Variants in VIPR2 observed in about 807,000 individuals in gnomAD.
VIPR2 encodes the protein vasoactive intestinal peptide receptor 2.
Under a neutral mutation model 58.0 loss-of-function variants are expected in VIPR2, and 48 were observed. The observed-to-expected ratio is 0.83, with a 90% confidence interval of 0.66 to 1.05. The LOEUF (loss-of-function observed/expected upper bound fraction) is 1.05, where lower values mean the gene tolerates loss of function less well. VIPR2 is among the 50% of genes least tolerant of loss of function. The pLI is 0.00. For synonymous variants in VIPR2, 243 were observed against 235.2 expected, an observed-to-expected ratio of 1.03 and a Z score of -0.30; for missense variants, 534 against 558.0, an observed-to-expected ratio of 0.96 and a Z score of 0.43.
rs1563318602 is a variant in VIPR2 at position 159,093,204 on chromosome 7, A to G, written c.357+10553T>C. ...TGGAGGAAGGTGAGAGGTAAACGTC[A>G]TTATATTTTTAAAAACACTGTAGAC... is the stretch of plus-strand genomic sequence containing the variant. On this transcript the variant is annotated intron_variant, in intron 4 of 12. Coordinates refer to ENST00000262178, the MANE Select transcript of VIPR2 (RefSeq NM_003382.5). The surrounding 1 kb of genome is among the most constrained non-coding windows in gnomAD (Gnocchi z 6.7). 6.6e-6 allele frequency among the ~76,000 whole-genome samples: 1 copy of G among 152,220 alleles called. No individual in the cohort carries two copies. The highest frequency in any genetic ancestry group is 2.4e-5 in the African/African-American group (1 of 41,460).
rs1853483334 is a variant in VIPR2, at chr7:159,030,598, C to T, written c.*18G>A. 2 of 1,514,422 alleles carry T rather than the reference C, an allele frequency of 1.3e-6. No homozygotes were observed. The highest frequency in any genetic ancestry group is 2.4e-4 in the Middle Eastern group (1 of 4,216). 93.8% of individuals were successfully genotyped at this position (1,514,422 alleles called of 1,614,324 possible). On this transcript the variant is annotated 3_prime_UTR_variant, in exon 13 of 13. Transcript: ENST00000262178. ...CGAACCGTGGGCCTCCCGCCGCGTC[C>T]GACAGGCAGGGGTGGGGCTAGATGA...
chr7:159,114,711 TAGG>T, intron 2 of VIPR2, among the ~76,000 whole-genome samples: 1 of 150,544 alleles, frequency 6.6e-6, no homozygotes, highest in Non-Finnish European at 1.5e-5. Flanking sequence ...GAGGCTGAGG[TAGG>T]AGGATTGCTT....
chr7:159,044,974 T>C (rs1854559549), intron 5 of VIPR2, among the ~76,000 whole-genome samples: 1 of 152,148 alleles, frequency 6.6e-6, no homozygotes, highest in African/African-American at 2.4e-5. Context: ...TTTCGCAACG[T>C]TGGCTAGGCT....
chr7:159,077,116 TG>T (rs1856675197), intron 4 of VIPR2, among the ~76,000 whole-genome samples: 1 of 152,256 alleles, frequency 6.6e-6, no homozygotes, highest in African/African-American at 2.4e-5. Context: ...GTTACATAAA[TG>T]ATCAGTCCAA....
chr7:159,084,954 TGG>T (rs1396354014), intron 4 of VIPR2, among the ~76,000 whole-genome samples: 1 of 152,220 alleles, frequency 6.6e-6, no homozygotes, highest in Admixed American at 6.5e-5. Context: ...TCATGGCCCA[TGG>T]AAGCTTCTTC....
chr7:159,062,442 G>A (rs1230611971), intron 4 of VIPR2, among the ~76,000 whole-genome samples: 2 of 152,172 alleles, frequency 1.3e-5, no homozygotes, highest in Non-Finnish European at 2.9e-5. Flanking sequence ...TGTTCCTTCT[G>A]CTGGATTCGC....
chr7:159,053,541 GTTTT>G (rs148137121), intron 5 of VIPR2, among the ~76,000 whole-genome samples: 11 of 151,670 alleles, frequency 7.3e-5, no homozygotes. Flanking sequence ...TAGAATTTTT[GTTTT>G]TTTTGTTTTT....
rs1188950666 is a variant in VIPR2 at position 159,054,479 on chromosome 7, T to C, written c.455+4002A>G. On this transcript the variant is annotated intron_variant, in intron 5 of 12. Transcript: ENST00000262178. ...GAAGACTCCTAAACATTGACTTAAA[T>C]AGAGGGAGAGACCAAACAGAAAAAT... 2.6e-5 allele frequency among the ~76,000 whole-genome samples: 4 copies of C among 152,106 alleles called. 1 individual carries two copies. The highest frequency in any genetic ancestry group is 2.6e-4 in the Admixed American group (4 of 15,280).
chr7:159,121,469 C>T (rs367828007), intron 2 of VIPR2, among the ~76,000 whole-genome samples: 46 of 152,098 alleles, frequency 3.0e-4, no homozygotes, highest in Non-Finnish European at 5.6e-4. Flanking sequence ...AATCTGAGAC[C>T]CCAGGAGTTC....
intron 4 of VIPR2, among the ~76,000 whole-genome samples, chr7:159,092,846 G>A (rs1857583258): frequency 1.3e-5 from 2 of 152,036 alleles, no homozygotes; most frequent in Admixed American, 1.3e-4. Context: ...GTGTCTCAGA[G>A]TTCTGGGCCT....
In VIPR2 at chr7:159,077,720, G is replaced by C. The variant is rs542243937; in HGVS notation, c.358-19142C>G. Among the ~76,000 whole-genome samples the C allele has an allele frequency of 4.6e-5, 7 of 151,154 alleles. No homozygotes were observed. The East Asian group carries it at 1.4e-3, about 29-fold the overall frequency. ...ATAGTATGCCTGTTATCAGATTCTA[G>C]CCCTGTTCAATGTCTTTGAGGTACT... On this transcript the variant is annotated intron_variant, in intron 4 of 12. Coordinates refer to ENST00000262178, the MANE Select transcript of VIPR2 (RefSeq NM_003382.5).
intron 2 of VIPR2, among the ~76,000 whole-genome samples, chr7:159,133,248 A>G (rs139795962): frequency 0.013 from 2,004 of 151,828 alleles, 1 homozygote; most frequent in South Asian, 0.035. Context: ...TGAAGAGGAG[A>G]AGGACTCGTC....
intron 2 of VIPR2, among the ~76,000 whole-genome samples, chr7:159,117,852 C>T (rs929371292): frequency 1.3e-5 from 2 of 152,198 alleles, no homozygotes; most frequent in African/African-American, 4.8e-5. Flanking sequence ...TAGGAACCAG[C>T]GAGTGGGAAA....
In VIPR2 at chr7:159,097,856, G is replaced by C. The variant is rs550070755; in HGVS notation, c.357+5901C>G. Among the ~76,000 whole-genome samples, 5 of 152,188 alleles carry C rather than the reference G, an allele frequency of 3.3e-5. No homozygotes were observed. Among genetic ancestry groups the C allele is most frequent in the African/African-American group, 9.6e-5 (4 of 41,454 alleles). ...TCAGCCATCGGTGAGTGACAGCTGG[G>C]TGGGTTCTCAGGCCTGGACTGCTGA... On this transcript the variant is annotated intron_variant, in intron 4 of 12. Transcript: ENST00000262178. The surrounding 1 kb of genome is among the most constrained non-coding windows in gnomAD (Gnocchi z 5.3).
At chr7:159,045,224 G>C (rs1419625399) in intron 5 of VIPR2, among the ~76,000 whole-genome samples, 3 of 152,188 alleles carry the variant, frequency 2.0e-5, no homozygotes, top group Non-Finnish European at 4.4e-5. Flanking sequence ...AAGTGCACCA[G>C]CACACGCATG....
chr7:159,117,347 G>A, intron 2 of VIPR2: 1 of 717,542 alleles, frequency 1.4e-6, no homozygotes, highest in Non-Finnish European at 2.6e-6. Flanking sequence ...GGGTAGGTAT[G>A]TGGGTCCAGG....
chr7:159,034,462 G>C, intron 9 of VIPR2, 119 bp downstream of exon 9: 1 of 1,314,874 alleles, frequency 7.6e-7, no homozygotes, highest in South Asian at 1.2e-5. Context: ...GTCCTTTTCC[G>C]GGAAGGCTGA....
intron 4 of VIPR2, among the ~76,000 whole-genome samples, chr7:159,094,861 T>C (rs1300608018): frequency 6.6e-6 from 1 of 152,192 alleles, no homozygotes; most frequent in Admixed American, 6.5e-5. Flanking sequence ...GAGCTTTTTA[T>C]CCCATTGAGA....
intron 4 of VIPR2, among the ~76,000 whole-genome samples, chr7:159,078,955 C>T (rs973568099): frequency 6.6e-6 from 1 of 152,122 alleles, no homozygotes; most frequent in Non-Finnish European, 1.5e-5. Flanking sequence ...CTCCAGTGCC[C>T]ACTGACTCAG....
Sources: allele counts gnomAD v4.1 joint callset (sites outside exome capture counted in the v4.1 genomes callset), GRCh38; gene constraint gnomAD v4.1.1; non-coding constraint Gnocchi (gnomAD v3.1); transcripts MANE v1.5; gene names NCBI Gene and HGNC (gene_info 2026-07-23, HGNC 2026-07-21).